Variants in CNTN5 observed in about 807,000 individuals in gnomAD.
CNTN5 encodes the protein contactin 5.
Under a neutral mutation model 129.1 loss-of-function variants are expected in CNTN5, and 77 were observed. That is an observed-to-expected ratio of 0.60 (90% CI 0.50 to 0.72). The LOEUF (loss-of-function observed/expected upper bound fraction) is 0.72, where lower values mean the gene tolerates loss of function less well. Ranked by LOEUF, CNTN5 falls within the 30% of genes least tolerant of loss-of-function variation. The pLI is 0.00. For synonymous variants in CNTN5, 509 were observed against 465.6 expected, an observed-to-expected ratio of 1.09 and a Z score of -1.20; for missense variants, 1,478 against 1,328.8, an observed-to-expected ratio of 1.11 and a Z score of -1.75.
At chr11:99,860,245 C>G (rs1244555649) in intron 6 of CNTN5, among the ~76,000 whole-genome samples, 1 of 152,030 alleles carries the variant, frequency 6.6e-6, no homozygotes, top group African/African-American at 2.4e-5. Context: ...GATATTTTCT[C>G]TGACTCTGTA....
intron 13 of CNTN5, among the ~76,000 whole-genome samples, chr11:100,081,007 G>T (rs1051608886): frequency 1.3e-5 from 2 of 152,090 alleles, no homozygotes; most frequent in Non-Finnish European, 2.9e-5. Flanking sequence ...TCCTATCCAT[G>T]AACTTAAGGG....
At chr11:99,666,769 A>C (rs191949697) in intron 3 of CNTN5, among the ~76,000 whole-genome samples, 12 of 152,246 alleles carry the variant, frequency 7.9e-5, no homozygotes, top group Middle Eastern at 6.8e-3. Flanking sequence ...TGGGAAGTGG[A>C]CTTTTTTTTC....
intron 2 of CNTN5, among the ~76,000 whole-genome samples, chr11:99,448,032 A>C (rs937580031): frequency 1.3e-5 from 2 of 152,220 alleles, no homozygotes; most frequent in African/African-American, 2.4e-5. Context: ...TTGCTTGAAT[A>C]AATTATTTTA....
At chr11:99,662,206 G>GGAAA (rs1193053774) in intron 3 of CNTN5, among the ~76,000 whole-genome samples, 2 of 152,072 alleles carry the variant, frequency 1.3e-5, no homozygotes, top group Non-Finnish European at 2.9e-5. Context: ...CAAAGAAATA[G>GGAAA]GAAACAAAGT....
intron 1 of CNTN5, among the ~76,000 whole-genome samples, chr11:99,238,234 A>C (rs944392942): frequency 1.3e-5 from 2 of 152,182 alleles, no homozygotes; most frequent in African/African-American, 2.4e-5. Flanking sequence ...CCAGAATTGC[A>C]TCTAGAAGCA....
chr11:100,166,415 T>G (rs765247017), intron 13 of CNTN5, among the ~76,000 whole-genome samples: 1 of 151,740 alleles, frequency 6.6e-6, no homozygotes, highest in Non-Finnish European at 1.5e-5. Flanking sequence ...AAAAGGCCCT[T>G]TGTGTTTCAG....
At chr11:99,082,044 C>T (rs757328927) in intron 1 of CNTN5, among the ~76,000 whole-genome samples, 16 of 152,090 alleles carry the variant, frequency 1.1e-4, no homozygotes, top group Admixed American at 9.2e-4. Flanking sequence ...ACTTTCATTT[C>T]TGTATGTAGA....
chr11:99,859,263 C>T (rs1012580145), intron 6 of CNTN5, among the ~76,000 whole-genome samples: 5 of 152,186 alleles, frequency 3.3e-5, no homozygotes, highest in Non-Finnish European at 1.5e-5. Flanking sequence ...TATGGTCACA[C>T]GGCTCAGATT....
intron 1 of CNTN5, among the ~76,000 whole-genome samples, chr11:99,185,759 GAAATA>G (rs985999146): frequency 2.0e-5 from 3 of 151,158 alleles, no homozygotes; most frequent in Non-Finnish European, 4.4e-5. Context: ...AAAAGGAGGG[GAAATA>G]AAATAAAGAG....
intron 13 of CNTN5, among the ~76,000 whole-genome samples, chr11:100,108,380 T>C (rs1227557668): frequency 6.6e-6 from 1 of 152,016 alleles, no homozygotes; most frequent in Admixed American, 6.6e-5. Flanking sequence ...GATGCAATCA[T>C]TGAGATGTGT....
chr11:100,310,000 C>T (rs979193820), intron 21 of CNTN5, among the ~76,000 whole-genome samples: 8 of 151,896 alleles, frequency 5.3e-5, no homozygotes, highest in African/African-American at 1.9e-4. Flanking sequence ...CAGAGCCTTG[C>T]TGCGTGCATC....
chr11:99,523,066 G>A (rs1947328168), intron 2 of CNTN5, among the ~76,000 whole-genome samples: 1 of 152,140 alleles, frequency 6.6e-6, no homozygotes, highest in Non-Finnish European at 1.5e-5. Context: ...CCAAGCCATA[G>A]GCAATTATCT....
intron 1 of CNTN5, among the ~76,000 whole-genome samples, chr11:99,287,813 T>C (rs928161968): frequency 1.3e-5 from 2 of 151,374 alleles, no homozygotes; most frequent in African/African-American, 2.4e-5. Flanking sequence ...ACATCTAAAG[T>C]AAAATAATTA....
At chr11:99,756,103 A>T (rs1454464124) in intron 3 of CNTN5, among the ~76,000 whole-genome samples, 1 of 152,116 alleles carries the variant, frequency 6.6e-6, no homozygotes, top group African/African-American at 2.4e-5. Flanking sequence ...TTATTTTTTC[A>T]GGTTGTCTAT....
rs551506564 is a variant in CNTN5, at chr11:99,711,463, C to G, written c.56-108081C>G. On this transcript the variant is annotated intron_variant, in intron 3 of 24. Coordinates refer to ENST00000524871, the MANE Select transcript of CNTN5 (RefSeq NM_014361.4). ...TTCCAGACTGAATATTTTTTACTCTCTTATACATCGTTTGAAGACACAGTT... is the reference window on the plus strand; with the variant it reads ...TTCCAGACTGAATATTTTTTACTCTGTTATACATCGTTTGAAGACACAGTT... 9.2e-5 allele frequency among the ~76,000 whole-genome samples: 14 copies of G among 151,622 alleles called. No homozygotes were observed. The South Asian group carries it at 2.9e-3, about 32-fold the overall frequency.
At chr11:99,796,225 A>T (rs1348212550) in intron 3 of CNTN5, among the ~76,000 whole-genome samples, 2 of 152,152 alleles carry the variant, frequency 1.3e-5, no homozygotes, top group African/African-American at 4.8e-5. Context: ...GGTTGGGGAC[A>T]GGTCTGCTGG....
chr11:100,050,912 C>T (rs1942920387), intron 9 of CNTN5, among the ~76,000 whole-genome samples: 1 of 151,948 alleles, frequency 6.6e-6, no homozygotes, highest in African/African-American at 2.4e-5. Context: ...TGTATATGCA[C>T]CTAGTAACAG....
chr11:99,154,918 G>A (rs952521994), intron 1 of CNTN5, among the ~76,000 whole-genome samples: 4 of 152,170 alleles, frequency 2.6e-5, no homozygotes, highest in Non-Finnish European at 4.4e-5. Context: ...TGGGAGACTG[G>A]AGTCCCTGGC....
At chr11:99,740,799 T>G (rs1565480261) in intron 3 of CNTN5, among the ~76,000 whole-genome samples, 1 of 152,156 alleles carries the variant, frequency 6.6e-6, no homozygotes, top group Non-Finnish European at 1.5e-5. Flanking sequence ...ATATCTAGCA[T>G]TCATTATAGA....
Sources: allele counts gnomAD v4.1 joint callset (sites outside exome capture counted in the v4.1 genomes callset), GRCh38; gene constraint gnomAD v4.1.1; transcripts MANE v1.5; gene names NCBI Gene and HGNC (gene_info 2026-07-23, HGNC 2026-07-21).